DCDC2C: variants seen among roughly 807,000 people sequenced by gnomAD.
The protein encoded by DCDC2C is doublecortin domain containing 2C, also known as doublecortin domain-containing protein 2C.
In DCDC2C, 44 loss-of-function variants were observed where a neutral mutation model predicts 45.0. The ratio of observed to expected loss-of-function variants is 0.98; its 90% CI spans 0.77 to 1.26. DCDC2C has a LOEUF of 1.26. DCDC2C is among the 50% of genes most tolerant of loss of function. The probability of loss-of-function intolerance (pLI) is 0.00; values close to 1 mark genes in which losing one functional copy is unlikely to be tolerated. For missense variants in DCDC2C, 447 were observed against 468.9 expected, an observed-to-expected ratio of 0.95 and a Z score of 0.43; for synonymous variants, 187 against 178.8, an observed-to-expected ratio of 1.05 and a Z score of -0.37.
chr2:3,740,203 G>C (rs537266129), intron 3 of DCDC2C, among the ~76,000 whole-genome samples: 1 of 152,252 alleles, frequency 6.6e-6, no homozygotes, highest in South Asian at 2.1e-4. Context: ...TGTGGCTGTG[G>C]CATAATTTAT....
At chr2:3,845,680 C>T (rs1158397738) in intron 10 of DCDC2C, among the ~76,000 whole-genome samples, 1 of 152,168 alleles carries the variant, frequency 6.6e-6, no homozygotes, top group Non-Finnish European at 1.5e-5. Flanking sequence ...TGATTTGGCT[C>T]CATTCTAAGT....
chr2:3,729,142 T>G (rs1402585840), intron 3 of DCDC2C, among the ~76,000 whole-genome samples: 2 of 152,142 alleles, frequency 1.3e-5, no homozygotes, highest in Admixed American at 6.5e-5. Flanking sequence ...TAAAAGATCT[T>G]TTGTCGTTTA....
At chr2:3,746,468 C>T (rs148531543) in intron 4 of DCDC2C, among the ~76,000 whole-genome samples, 1 of 152,252 alleles carries the variant, frequency 6.6e-6, no homozygotes, top group Non-Finnish European at 1.5e-5. Context: ...GGCAAGTTGC[C>T]TGAGGTTGAC....
chr2:3,720,174 A>G (rs1668458426), intron 2 of DCDC2C, among the ~76,000 whole-genome samples: 1 of 152,194 alleles, frequency 6.6e-6, no homozygotes, highest in East Asian at 1.9e-4. Flanking sequence ...TGGGAGGCAA[A>G]TGGATGCCTT....
chr2:3,812,931 G>A (rs557210830), intron 10 of DCDC2C, among the ~76,000 whole-genome samples: 21 of 151,976 alleles, frequency 1.4e-4, no homozygotes, highest in African/African-American at 5.1e-4. Flanking sequence ...TGATTGCACT[G>A]TAGTCTGAGA....
At chr2:3,842,654 A>AAG (rs1672243960) in intron 10 of DCDC2C, among the ~76,000 whole-genome samples, 1 of 151,644 alleles carries the variant, frequency 6.6e-6, no homozygotes, top group African/African-American at 2.4e-5. Context: ...AAAAAAAAAA[A>AAG]ATCAATTCCA....
At chr2:3,769,461 G>T in intron 8 of DCDC2C, 50 bp downstream of exon 8, 1 of 1,481,218 alleles carries the variant, frequency 6.8e-7, no homozygotes, top group Non-Finnish European at 9.2e-7. Flanking sequence ...CATTCCATCA[G>T]CTCCTGCCCG....
intron 6 of DCDC2C, among the ~76,000 whole-genome samples, chr2:3,766,310 G>GCACA (rs61471003): frequency 0.028 from 4,021 of 146,134 alleles, 172 homozygotes; most frequent in African/African-American, 0.092. Flanking sequence ...ACACACACAC[G>GCACA]CACACACACA....
intron 10 of DCDC2C, among the ~76,000 whole-genome samples, chr2:3,787,026 C>T (rs1477872429): frequency 6.6e-6 from 1 of 152,200 alleles, no homozygotes; most frequent in African/African-American, 2.4e-5. Flanking sequence ...CCACTCTTAA[C>T]TCCCTTGTTG....
intron 3 of DCDC2C, among the ~76,000 whole-genome samples, chr2:3,736,634 G>A (rs542507895): frequency 1.3e-5 from 2 of 152,180 alleles, no homozygotes; most frequent in Non-Finnish European, 2.9e-5. Context: ...ACCCAAAAGA[G>A]CCCATGGTTT....
At chr2:3,760,767 G>A (rs1431372437) in intron 6 of DCDC2C, among the ~76,000 whole-genome samples, 4 of 151,772 alleles carry the variant, frequency 2.6e-5, no homozygotes. Context: ...GATAGGTGCA[G>A]CAAACCACCA....
chr2:3,741,399 T>C (rs1326612535), intron 3 of DCDC2C, among the ~76,000 whole-genome samples: 1 of 152,202 alleles, frequency 6.6e-6, no homozygotes, highest in Non-Finnish European at 1.5e-5. Context: ...AGTGGAGTTA[T>C]GTTCTATTAA....
At chr2:3,710,567 C>A (rs113191885) in intron 2 of DCDC2C, among the ~76,000 whole-genome samples, 23 of 152,264 alleles carry the variant, frequency 1.5e-4, no homozygotes, top group Middle Eastern at 6.8e-3. Flanking sequence ...ATAATTTATT[C>A]GGTCACCCAG....
intron 10 of DCDC2C, among the ~76,000 whole-genome samples, chr2:3,835,751 T>C (rs1421112090): frequency 2.1e-5 from 3 of 146,018 alleles, no homozygotes; most frequent in East Asian, 2.0e-4. Context: ...GACAAGATCC[T>C]TTTTTTTTTC....
chr2:3,733,126 G>C (rs1668920164), intron 3 of DCDC2C, among the ~76,000 whole-genome samples: 1 of 152,184 alleles, frequency 6.6e-6, no homozygotes, highest in Non-Finnish European at 1.5e-5. Context: ...AAAACATGCA[G>C]ATCAGTGTGG....
Position 3,835,705 on chromosome 2 carries a change from T to G in DCDC2C, c.1066-11449T>G, listed in dbSNP as rs568690119. 2.6e-5 allele frequency among the ~76,000 whole-genome samples: 4 copies of G among 152,324 alleles called. No homozygotes were observed. The South Asian group carries it at 8.3e-4, about 32-fold the overall frequency. Reference sequence around the variant, plus strand: ...CTGTGCAGGTCATTGATTTGAGGCCTTGAGTCTCATTTTTTATATTAAAAT... The same window carrying G: ...CTGTGCAGGTCATTGATTTGAGGCCGTGAGTCTCATTTTTTATATTAAAAT... On this transcript the variant is annotated intron_variant, in intron 10 of 10. Transcript: ENST00000399143.
chr2:3,728,040 A>G (rs2148076981), intron 3 of DCDC2C, among the ~76,000 whole-genome samples: 1 of 152,324 alleles, frequency 6.6e-6, no homozygotes, highest in African/African-American at 2.4e-5. Flanking sequence ...AAGGAATTTT[A>G]GCGAGTTTCC....
intron 3 of DCDC2C, among the ~76,000 whole-genome samples, chr2:3,731,781 G>T (rs746700470): frequency 2.1e-4 from 32 of 152,180 alleles, no homozygotes; most frequent in Non-Finnish European, 4.4e-4. Context: ...ATGTCTATTA[G>T]ACTGATTTCC....
At chr2:3,836,928 A>G (rs959493275) in intron 10 of DCDC2C, among the ~76,000 whole-genome samples, 11 of 151,918 alleles carry the variant, frequency 7.2e-5, no homozygotes, top group Non-Finnish European at 1.3e-4. Flanking sequence ...GTAATACTGT[A>G]CTATCTTATA....
Sources: allele counts gnomAD v4.1 joint callset (sites outside exome capture counted in the v4.1 genomes callset), GRCh38; gene constraint gnomAD v4.1.1; transcripts MANE v1.5; gene names NCBI Gene and HGNC (gene_info 2026-07-23, HGNC 2026-07-21).